The following HDGFL3 variants were observed in gnomAD, a reference collection of about 807,000 sequenced individuals.
HDGFL3 encodes the protein HDGF like 3.
A neutral mutation model predicts 27.6 loss-of-function variants in HDGFL3; 6 were observed. The observed-to-expected ratio is 0.22, with a 90% confidence interval of 0.12 to 0.43. The LOEUF (loss-of-function observed/expected upper bound fraction) is 0.43. HDGFL3 is among the 20% of genes least tolerant of loss of function. HDGFL3 has a pLI of 1.00. For synonymous variants in HDGFL3, 88 were observed against 88.9 expected (o/e 0.99, Z 0.05); for missense variants, 207 against 250.1 (o/e 0.83, Z 1.16).
At chr15:83,180,314 A>G (rs2037364788) in intron 1 of HDGFL3, among the ~76,000 whole-genome samples, 1 of 152,220 alleles carries the variant, frequency 6.6e-6, no homozygotes, top group Admixed American at 6.5e-5. Context: ...GCATAAGAAA[A>G]GAATGGAAGA....
At chr15:83,157,351 T>C (rs751156922) in intron 4 of HDGFL3, 64 bp downstream of exon 4, 11 of 1,475,982 alleles carry the variant, frequency 7.5e-6, no homozygotes, top group Non-Finnish European at 1.0e-5. Context: ...ACATGGAAAA[T>C]AATCTAAAAA....
chr15:83,187,220 C>T (rs113332940), intron 1 of HDGFL3, among the ~76,000 whole-genome samples: 316 of 148,236 alleles, frequency 2.1e-3, no homozygotes, highest in Non-Finnish European at 2.4e-3. Flanking sequence ...GGAGGCTTAC[C>T]GCTAAATCTT....
At chr15:83,196,968 A>G (rs2037577465) in intron 1 of HDGFL3, among the ~76,000 whole-genome samples, 1 of 152,248 alleles carries the variant, frequency 6.6e-6, no homozygotes, top group African/African-American at 2.4e-5. Context: ...GAGCTGACCT[A>G]GGGCATGCCC....
At chr15:83,172,161 G>A (rs2037253943) in intron 1 of HDGFL3, among the ~76,000 whole-genome samples, 1 of 152,142 alleles carries the variant, frequency 6.6e-6, no homozygotes. Context: ...TAGGCCTTGA[G>A]GGCTTCTCTG....
intron 1 of HDGFL3, among the ~76,000 whole-genome samples, chr15:83,189,767 T>C (rs1218913769): frequency 6.6e-6 from 1 of 152,200 alleles, no homozygotes; most frequent in Non-Finnish European, 1.5e-5. Flanking sequence ...TTTTTTAAAA[T>C]AATGGGTAAA....
chr15:83,199,693 A>ATCT (rs2037615315), intron 1 of HDGFL3, among the ~76,000 whole-genome samples: 1 of 152,144 alleles, frequency 6.6e-6, no homozygotes, highest in South Asian at 2.1e-4. Context: ...TTGTATGTTA[A>ATCT]TGTGGTCCAG....
downstream of HDGFL3, among the ~76,000 whole-genome samples, chr15:83,123,961 CT>C (rs56390520): frequency 0.2 from 30,754 of 152,188 alleles, 3,252 homozygotes; most frequent in Admixed American, 0.22. Flanking sequence ...CTTAATAATT[CT>C]GGAACCCAAT....
intron 3 of HDGFL3, chr15:83,119,780 A>G (rs2035050786): frequency 6.4e-7 from 1 of 1,561,970 alleles, no homozygotes; most frequent in African/African-American, 1.3e-5. Flanking sequence ...ACAAGCAGGT[A>G]TACTGGACAT....
chr15:83,112,883 G>A (rs201104135), exon 4 of HDGFL3: 46 of 1,613,628 alleles, frequency 2.9e-5, no homozygotes, highest in Non-Finnish European at 3.6e-5. Context: ...AAACCACCCC[G>A]GGACCCACTG....
chr15:83,140,512 C>T (rs1437179702), intron 5 of HDGFL3, among the ~76,000 whole-genome samples: 1 of 135,280 alleles, frequency 7.4e-6, no homozygotes, highest in Admixed American at 8.2e-5. Flanking sequence ...GACAGAGTCT[C>T]GCTCTGTCAC....
Position 83,158,038 on chromosome 15 carries a change from T to C in HDGFL3, c.165A>G (p.Ala55=). ...PIFFFGTHET[A]FLGPKDLFPY... ...GAAAAAGGTCTTTGGGACCTAGAAA[T>C]GCACTGCAGAGACATATTAGAAATA... The change falls in exon 3 of 6, where the codon GCA becomes GCG. Residue 55 remains alanine (A), a synonymous_variant. Transcript: ENST00000299633. 1 of 1,606,536 alleles carries C rather than the reference T, an allele frequency of 6.2e-7. No homozygotes were observed. The highest frequency in any genetic ancestry group is 8.5e-7 in the Non-Finnish European group (1 of 1,177,054).
intron 1 of HDGFL3, among the ~76,000 whole-genome samples, chr15:83,187,089 C>CAT: frequency 6.6e-6 from 1 of 151,146 alleles, no homozygotes; most frequent in East Asian, 1.9e-4. Context: ...CTTTTCATGT[C>CAT]ATATATATAC....
At chr15:83,160,621 A>G (rs1448923387) in intron 2 of HDGFL3, among the ~76,000 whole-genome samples, 5 of 152,194 alleles carry the variant, frequency 3.3e-5, no homozygotes, top group African/African-American at 1.2e-4. Flanking sequence ...TAGACATCCA[A>G]GTGGAGATGT....
intron 1 of HDGFL3, among the ~76,000 whole-genome samples, chr15:83,185,294 C>T (rs967320283): frequency 1.6e-4 from 24 of 152,056 alleles, no homozygotes; most frequent in African/African-American, 4.6e-4. Context: ...AAAGTGTGCC[C>T]GGCCTAGAAG....
chr15:83,148,140 C>T (rs2151396992), intron 5 of HDGFL3, among the ~76,000 whole-genome samples: 1 of 152,326 alleles, frequency 6.6e-6, no homozygotes, highest in East Asian at 1.9e-4. Context: ...TCACAGGGAA[C>T]TCTTCCACAC....
At chr15:83,197,113 G>C (rs2037579186) in intron 1 of HDGFL3, among the ~76,000 whole-genome samples, 1 of 152,158 alleles carries the variant, frequency 6.6e-6, no homozygotes, top group Non-Finnish European at 1.5e-5. Flanking sequence ...ACGAAGAATG[G>C]AGACCATGAT....
intron 2 of HDGFL3, among the ~76,000 whole-genome samples, chr15:83,160,923 T>C (rs1019155143): frequency 6.6e-6 from 1 of 152,328 alleles, no homozygotes; most frequent in South Asian, 2.1e-4. Context: ...TCCTTATTGT[T>C]CACCTTTAAT....
At chr15:83,178,948 T>C (rs1402881615) in intron 1 of HDGFL3, among the ~76,000 whole-genome samples, 1 of 152,142 alleles carries the variant, frequency 6.6e-6, no homozygotes, top group Admixed American at 6.5e-5. Context: ...CAGGAGAGCC[T>C]ATCTGCAAGT....
intron 2 of HDGFL3, among the ~76,000 whole-genome samples, chr15:83,160,997 T>A (rs2037095339): frequency 6.6e-6 from 1 of 152,202 alleles, no homozygotes. Flanking sequence ...ACTGGACATC[T>A]TAATAAAAAA....
Sources: gnomAD v4.1 joint callset for allele counts (sites outside exome capture counted in the v4.1 genomes callset) on GRCh38, gnomAD v4.1.1 for gene constraint, MANE v1.5 for transcripts, NCBI Gene and HGNC (gene_info 2026-07-23, HGNC 2026-07-21) for gene names.